MTMR7: variants seen among roughly 807,000 people sequenced by gnomAD.
The protein encoded by MTMR7 is phosphatidylinositol-3-phosphate phosphatase MTMR7.
In MTMR7, 76 loss-of-function variants were observed where a neutral mutation model predicts 81.2. That is an observed-to-expected ratio of 0.94 (90% CI 0.78 to 1.13). MTMR7 has a LOEUF of 1.13. Ranked by LOEUF, MTMR7 falls within the 50% of genes most tolerant of loss-of-function variation. MTMR7 has a pLI of 0.00. For missense variants in MTMR7, 1,044 were observed against 820.0 expected, an observed-to-expected ratio of 1.27 and a Z score of -3.34; for synonymous variants, 372 against 289.8, an observed-to-expected ratio of 1.28 and a Z score of -2.88.
At chr8:17,367,744 AT>A (rs1176794659) in intron 3 of MTMR7, among the ~76,000 whole-genome samples, 8 of 152,112 alleles carry the variant, frequency 5.3e-5, no homozygotes, top group Non-Finnish European at 1.0e-4. Context: ...GTCTGAAGCA[AT>A]TTCCCTTTCA....
At chr8:17,313,595 A>G (rs560522159) in intron 7 of MTMR7, among the ~76,000 whole-genome samples, 194 bp from the exon 8 acceptor site, 4 of 152,298 alleles carry the variant, frequency 2.6e-5, no homozygotes, top group East Asian at 1.9e-4. Flanking sequence ...AGGCTTTTCT[A>G]CCTTCTCTGG....
chr8:17,328,910 A>G (rs1202214476), intron 7 of MTMR7, among the ~76,000 whole-genome samples: 1 of 152,192 alleles, frequency 6.6e-6, no homozygotes, highest in Non-Finnish European at 1.5e-5. Context: ...TGAGACTTAC[A>G]AATGGAAGTT....
intron 3 of MTMR7, 119 bp downstream of exon 3, chr8:17,370,918 C>A (rs929456287): frequency 1.9e-6 from 2 of 1,051,724 alleles, no homozygotes; most frequent in African/African-American, 3.2e-5. Flanking sequence ...CTCCTGAGAA[C>A]GAGACTGACA....
At chr8:17,317,862 T>C (rs903368180) in intron 7 of MTMR7, among the ~76,000 whole-genome samples, 3 of 152,214 alleles carry the variant, frequency 2.0e-5, no homozygotes, top group African/African-American at 7.2e-5. Context: ...TTTTATATTT[T>C]TGTTTCCATG....
chr8:17,297,945 A>T lies in MTMR7; in HGVS notation c.*1917T>A, dbSNP rs1005101293. The T allele has an allele frequency of 6.6e-6, 1 of 152,128 alleles. No individual in the cohort carries two copies. The highest frequency in any genetic ancestry group is 1.5e-5 in the Non-Finnish European group (1 of 67,938). The allele number at this position is 152,128 out of a possible 1,614,324, so 9.4% of individuals were successfully genotyped here. On this transcript the variant is annotated 3_prime_UTR_variant, in exon 14 of 14. Transcript: ENST00000180173. ...TTATGACTCTGATATGGAAGTTGTC[A>T]TATTAAAAAACTACATTTTAAAACA...
chr8:17,371,148 C>T lies in MTMR7; in HGVS notation c.199G>A (p.Gly67Arg), dbSNP rs1267688718. The T allele has an allele frequency of 6.8e-6, 11 of 1,614,026 alleles. No individual in the cohort carries two copies. Among genetic ancestry groups the T allele is most frequent in the African/African-American group, 5.3e-5 (4 of 74,908 alleles). ...TTGCAGCGAATCAGCAGAGGGCATCCGGTAGCGGTTGTTGCCTGTTTCTCA... is the reference window on the plus strand; with the variant it reads ...TTGCAGCGAATCAGCAGAGGGCATCTGGTAGCGGTTGTTGCCTGTTTCTCA... ...TIEKQATTAT[G>R]CPLLIRCKNF... The change falls in exon 3 of 14, where the codon GGA becomes AGA. Residue 67 changes from glycine to arginine, a missense_variant. Physicochemically the swap from Gly to Arg is moderately radical, Grantham distance 125. Coordinates refer to ENST00000180173, the MANE Select transcript of MTMR7 (RefSeq NM_004686.5).
intron 1 of MTMR7, among the ~76,000 whole-genome samples, chr8:17,383,451 A>T (rs1820824181): frequency 6.6e-6 from 1 of 152,236 alleles, no homozygotes; most frequent in Non-Finnish European, 1.5e-5. Flanking sequence ...CATGAAGAGC[A>T]TGAAAAATCA....
intron 1 of MTMR7, among the ~76,000 whole-genome samples, chr8:17,387,017 T>C (rs1820966814): frequency 1.3e-5 from 2 of 152,124 alleles, no homozygotes; most frequent in Non-Finnish European, 2.9e-5. Context: ...AGAGCTACAG[T>C]ATCTCCCCAC....
chr8:17,329,779 C>T (rs1818899468), intron 7 of MTMR7, among the ~76,000 whole-genome samples: 1 of 152,204 alleles, frequency 6.6e-6, no homozygotes, highest in Non-Finnish European at 1.5e-5. Context: ...AACAGCCAAA[C>T]TCTGCATGAT....
intron 1 of MTMR7, among the ~76,000 whole-genome samples, chr8:17,397,211 TTGTCTTGCACCTC>T (rs1821280924): frequency 6.6e-6 from 1 of 150,864 alleles, no homozygotes; most frequent in African/African-American, 2.4e-5. Flanking sequence ...TAAGGGCACT[TTGTCTTGCACCTC>T]AGGTACTAGC....
chr8:17,404,286 T>C (rs67843222), intron 1 of MTMR7, among the ~76,000 whole-genome samples: 58,947 of 151,806 alleles, frequency 0.39, 13,848 homozygotes, highest in Admixed American at 0.57. Flanking sequence ...GAAGGATAAC[T>C]CCAAAGTTAT....
rs369157708 is a variant in MTMR7, at chr8:17,364,197, T to A, written c.311-2923A>T. On this transcript the variant is annotated intron_variant, in intron 3 of 13. Transcript: ENST00000180173. ...GGAGCCCGCCACCACGCCCGGCTAA[T>A]TTTTTGCATTTTTTTTTAGTAGAGA... Among the ~76,000 whole-genome samples, 1,024 of 151,672 alleles carry A rather than the reference T, an allele frequency of 6.8e-3. 13 individuals are homozygous for A. The highest frequency in any genetic ancestry group is 0.024 in the African/African-American group (975 of 41,336).
At position 17,366,575 on chromosome 8, in the gene MTMR7, A is replaced by G. The variant is rs914619950; in HGVS notation, c.310+4462T>C. 4.6e-5 allele frequency among the ~76,000 whole-genome samples: 7 copies of G among 152,230 alleles called. No homozygotes were observed. The South Asian group carries it at 8.3e-4, about 18-fold the overall frequency. ...TAAATTGCATCAAACATTATGCTGA[A>G]TTCAGGCAACTTAAAATAACTGTAG... On this transcript the variant is annotated intron_variant, in intron 3 of 13. Transcript: ENST00000180173.
Position 17,305,849 on chromosome 8 carries a change from A to AT in MTMR7, c.1259dup (p.Asn420LysfsTer2). Reference sequence around the variant, plus strand: ...GTTGAATGTGAATCAAAAACCTCTCATTGAACTCAAAGGCACAGGGAAATT... The same window carrying AT: ...GTTGAATGTGAATCAAAAACCTCTCATTTGAACTCAAAGGCACAGGGAAATT... On this transcript the variant is annotated frameshift_variant, in exon 11 of 14. Transcript: ENST00000180173. LOFTEE classifies it high-confidence loss of function. The AT allele has an allele frequency of 6.2e-7, 1 of 1,613,686 alleles. No individual in the cohort carries two copies. Among genetic ancestry groups the AT allele is most frequent in the South Asian group, 1.1e-5 (1 of 91,058 alleles).
At chr8:17,372,828 C>G (rs1332633427) in intron 2 of MTMR7, among the ~76,000 whole-genome samples, 3 of 152,102 alleles carry the variant, frequency 2.0e-5, no homozygotes, top group Non-Finnish European at 4.4e-5. Context: ...ATCTGGCCTA[C>G]TGACATTATT....
intron 1 of MTMR7, among the ~76,000 whole-genome samples, chr8:17,382,927 T>C (rs1820803129): frequency 6.6e-6 from 1 of 152,080 alleles, no homozygotes; most frequent in African/African-American, 2.4e-5. Context: ...ATTAGGAGAA[T>C]GCAGTGAGGG....
At chr8:17,325,496 T>C (rs1818635513) in intron 7 of MTMR7, among the ~76,000 whole-genome samples, 1 of 152,196 alleles carries the variant, frequency 6.6e-6, no homozygotes, top group Admixed American at 6.5e-5. Flanking sequence ...TTTTGAGGCC[T>C]GCTAAAAAGA....
intron 1 of MTMR7, among the ~76,000 whole-genome samples, chr8:17,399,698 G>A (rs1821365038): frequency 6.6e-6 from 1 of 152,070 alleles, no homozygotes. Context: ...AACAAAACTG[G>A]AGGAATCACA....
intron 1 of MTMR7, among the ~76,000 whole-genome samples, chr8:17,394,322 A>G (rs535161524): frequency 3.3e-5 from 5 of 152,368 alleles, no homozygotes; most frequent in Admixed American, 3.3e-4. Context: ...ATGCATAAAC[A>G]AATGTGGGGT....
Sources: allele counts gnomAD v4.1 joint callset (sites outside exome capture counted in the v4.1 genomes callset), GRCh38; gene constraint gnomAD v4.1.1; transcripts MANE v1.5; gene names NCBI Gene and HGNC (gene_info 2026-07-23, HGNC 2026-07-21).